The following RNF212B variants were observed in gnomAD, a reference collection of about 807,000 sequenced individuals.
RNF212B encodes ring finger protein 212B.
RNF212B carries 52 observed loss-of-function variants against 55.5 expected under a neutral mutation model. The ratio of observed to expected loss-of-function variants is 0.94; its 90% CI spans 0.75 to 1.18. The LOEUF (loss-of-function observed/expected upper bound fraction) is 1.18. RNF212B is among the 50% of genes most tolerant of loss of function. The pLI is 0.00. For synonymous variants in RNF212B, 99 were observed against 121.4 expected (o/e 0.82, Z 1.21); for missense variants, 289 against 350.4 (o/e 0.82, Z 1.40).
intron 1 of RNF212B, chr14:23,188,155 T>C (rs1445259854): frequency 2.0e-5 from 3 of 152,242 alleles, no homozygotes; most frequent in Non-Finnish European, 4.4e-5. Flanking sequence ...AATTCAGCTC[T>C]TCTGGAGATA....
chr14:23,202,640 A>G (rs976604240), intron 2 of RNF212B, among the ~76,000 whole-genome samples: 4 of 152,186 alleles, frequency 2.6e-5, no homozygotes, highest in African/African-American at 7.2e-5. Flanking sequence ...TCACGAGGTC[A>G]GGAGATCGAG....
At chr14:23,247,309 T>G (rs1320289409) in intron 4 of RNF212B, among the ~76,000 whole-genome samples, 2 of 152,176 alleles carry the variant, frequency 1.3e-5, no homozygotes, top group African/African-American at 4.8e-5. Flanking sequence ...TCAGTGGTTT[T>G]TAATACATCC....
Position 23,242,095 on chromosome 14 carries a change from A to AAAAG in RNF212B, c.101-1158_101-1157insGAAA, listed in dbSNP as rs1237813816. Among the ~76,000 whole-genome samples the AAAAG allele has an allele frequency of 3.6e-3, 469 of 130,220 alleles. 14 individuals carry two copies. The highest frequency in any genetic ancestry group is 0.012 in the African/African-American group (449 of 35,928). 85.4% of individuals were successfully genotyped at this position (130,220 alleles called of 152,430 possible). Reference sequence around the variant, plus strand: ...AGACTCCGTCTCAAAAAAAAAAAAAAAAAAAAAAAAAAGAAAAGAAAAAGA... The same window carrying AAAAG: ...AGACTCCGTCTCAAAAAAAAAAAAAAAAAGAAAAAAAAAAAAGAAAAGAAAAAGA... On this transcript the variant is annotated intron_variant, in intron 2 of 14. Transcript: ENST00000430154.
At chr14:23,269,568 G>A (rs375358772) in intron 12 of RNF212B, among the ~76,000 whole-genome samples, 9 of 151,968 alleles carry the variant, frequency 5.9e-5, no homozygotes, top group African/African-American at 1.7e-4. Flanking sequence ...CTAATTACCC[G>A]GGCTTGGTGG....
chr14:23,257,400 A>G (rs1483472785), intron 4 of RNF212B, among the ~76,000 whole-genome samples: 1 of 152,020 alleles, frequency 6.6e-6, no homozygotes, highest in Non-Finnish European at 1.5e-5. Flanking sequence ...AAAATAGACT[A>G]GAGTAAATTC....
chr14:23,235,010 G>C (rs778868137), upstream of RNF212B, among the ~76,000 whole-genome samples: 1 of 152,142 alleles, frequency 6.6e-6, no homozygotes, highest in Non-Finnish European at 1.5e-5. Context: ...TCAAGAGTTT[G>C]AGACCAGCCT....
upstream of RNF212B, among the ~76,000 whole-genome samples, chr14:23,234,335 T>C (rs12889946): frequency 1.1e-4 from 17 of 149,988 alleles, no homozygotes. Context: ...AAGTTTTTTT[T>C]AAAATTACTT....
At chr14:23,201,468 A>G (rs1462208907) in intron 2 of RNF212B, among the ~76,000 whole-genome samples, 4 of 152,230 alleles carry the variant, frequency 2.6e-5, no homozygotes, top group Non-Finnish European at 4.4e-5. Context: ...TAAGTTTCTC[A>G]TAATTTTGGA....
At chr14:23,188,460 G>GTTTTTTTTTTTTTTTTTTTTT (rs60659225) in intron 1 of RNF212B, 1 of 136,502 alleles carries the variant, frequency 7.3e-6, no homozygotes, top group Non-Finnish European at 1.6e-5. Flanking sequence ...AAAGATTAGG[G>GTTTTTTTTTTTTTTTTTTTTT]TTTTTTTTTT....
chr14:23,240,278 A>G, intron 1 of RNF212B, 67 bp from the exon 2 acceptor site: 1 of 1,093,692 alleles, frequency 9.1e-7, no homozygotes, highest in Non-Finnish European at 1.3e-6. Context: ...GGTTACATAG[A>G]TTTTGGAACA....
chr14:23,203,593 C>T (rs1262585019), intron 2 of RNF212B, among the ~76,000 whole-genome samples: 1 of 151,746 alleles, frequency 6.6e-6, no homozygotes, highest in Non-Finnish European at 1.5e-5. Context: ...ATTCTCATGC[C>T]TCAGCCTCTC....
At chr14:23,205,219 T>C (rs2140376684) in intron 2 of RNF212B, among the ~76,000 whole-genome samples, 1 of 152,216 alleles carries the variant, frequency 6.6e-6, no homozygotes, top group Non-Finnish European at 1.5e-5. Flanking sequence ...TTCTGTTTTT[T>C]ATTTCCTGGT....
intron 2 of RNF212B, among the ~76,000 whole-genome samples, chr14:23,195,651 C>T (rs916147823): frequency 2.6e-5 from 4 of 152,176 alleles, no homozygotes; most frequent in African/African-American, 9.7e-5. Context: ...AACCTGTGCT[C>T]TCCCGACAGC....
chr14:23,208,979 C>T (rs1362912243), intron 2 of RNF212B, among the ~76,000 whole-genome samples: 5 of 151,654 alleles, frequency 3.3e-5, no homozygotes, highest in Admixed American at 6.6e-5. Flanking sequence ...GGGATGGTCT[C>T]GATCTCCTGA....
chr14:23,264,357 C>T (rs1456472659), intron 10 of RNF212B, 123 bp downstream of exon 10: 7 of 841,714 alleles, frequency 8.3e-6, no homozygotes, highest in African/African-American at 3.4e-5. Flanking sequence ...ATACTGGACC[C>T]TATTTTCTTT....
chr14:23,257,786 CCTT>C (rs1884957768), intron 4 of RNF212B, among the ~76,000 whole-genome samples: 2 of 152,098 alleles, frequency 1.3e-5, no homozygotes, highest in African/African-American at 4.8e-5. Context: ...TAGGTAATCT[CCTT>C]CTGTGCCTCT....
At chr14:23,191,055 A>G (rs746799634) in intron 1 of RNF212B, among the ~76,000 whole-genome samples, 1 of 152,148 alleles carries the variant, frequency 6.6e-6, no homozygotes, top group Non-Finnish European at 1.5e-5. Flanking sequence ...TGACCACCCA[A>G]TAGAAAGTCC....
intron 4 of RNF212B, among the ~76,000 whole-genome samples, chr14:23,251,523 T>C (rs1884400409): frequency 6.6e-6 from 1 of 152,192 alleles, no homozygotes; most frequent in African/African-American, 2.4e-5. Flanking sequence ...TTATAAAAGA[T>C]ACAACATAGG....
upstream of RNF212B, among the ~76,000 whole-genome samples, chr14:23,234,979 C>G (rs983805755): frequency 6.6e-6 from 1 of 152,024 alleles, no homozygotes; most frequent in Non-Finnish European, 1.5e-5. Flanking sequence ...TTTGGGAGGC[C>G]GAGGCAGGTG....
Sources: gnomAD v4.1 joint callset for allele counts (sites outside exome capture counted in the v4.1 genomes callset) on GRCh38, gnomAD v4.1.1 for gene constraint, MANE v1.5 for transcripts, NCBI Gene and HGNC (gene_info 2026-07-23, HGNC 2026-07-21) for gene names.